The following NOL4L variants were observed in gnomAD, a reference collection of about 807,000 sequenced individuals.
NOL4L encodes the protein nucleolar protein 4 like.
NOL4L carries 7 observed loss-of-function variants against 64.5 expected under a neutral mutation model. The observed-to-expected ratio is 0.11, with a 90% CI of 0.06 to 0.20. NOL4L has a LOEUF of 0.20. Ranked by LOEUF, NOL4L falls within the 10% of genes least tolerant of loss-of-function variation. NOL4L has a pLI of 1.00. For synonymous variants in NOL4L, 413 were observed against 401.0 expected, an observed-to-expected ratio of 1.03 and a Z score of -0.36; for missense variants, 680 against 967.1, an observed-to-expected ratio of 0.70 and a Z score of 3.94.
At chr20:32,488,825 CTTTTTCTTTCTTTCTTTCTTTCTTTCTT>C (rs2016291552) in intron 4 of NOL4L, among the ~76,000 whole-genome samples, 7 of 37,866 alleles carry the variant, frequency 1.8e-4, no homozygotes, top group South Asian at 1.7e-3. Flanking sequence ...TTCTTTCTTT[CTTTTTCTTTCTTTCTTTCTTTCTTTCTT>C]TCTTTCTTTC....
At chr20:32,511,700 T>C (rs1006072182) in intron 3 of NOL4L, among the ~76,000 whole-genome samples, 4 of 152,098 alleles carry the variant, frequency 2.6e-5, no homozygotes, top group African/African-American at 4.8e-5. Flanking sequence ...TAAAAAACAA[T>C]GAGGCCGGGC....
intron 4 of NOL4L, among the ~76,000 whole-genome samples, chr20:32,488,763 C>T (rs2016219015): frequency 3.7e-5 from 2 of 53,870 alleles, no homozygotes; most frequent in South Asian, 5.6e-4. Context: ...TCCTTCCTTC[C>T]TTCCTTCCTT....
chr20:32,467,514 G>T (rs1366128150), intron 5 of NOL4L, among the ~76,000 whole-genome samples: 1 of 152,196 alleles, frequency 6.6e-6, no homozygotes, highest in African/African-American at 2.4e-5. Context: ...GAGGTAAGCT[G>T]CAGTCAGGGT....
At chr20:32,565,935 C>CCA (rs1476172717) in intron 1 of NOL4L, among the ~76,000 whole-genome samples, 3 of 152,022 alleles carry the variant, frequency 2.0e-5, no homozygotes, top group Non-Finnish European at 4.4e-5. Flanking sequence ...CCCTGTAGTG[C>CCA]CAGCCACTCG....
At chr20:32,520,776 C>T (rs1376848451) in intron 3 of NOL4L, 35 bp downstream of exon 3, 7 of 1,369,098 alleles carry the variant, frequency 5.1e-6, no homozygotes, top group East Asian at 2.5e-5. Flanking sequence ...TTAGATGGCC[C>T]CCGCCCTAGC....
intron 10 of NOL4L, among the ~76,000 whole-genome samples, chr20:32,449,395 A>G (rs1354112705): frequency 6.6e-6 from 1 of 152,260 alleles, no homozygotes; most frequent in East Asian, 1.9e-4. Context: ...GGAGGTATCC[A>G]GACTGGAAGT....
chr20:32,500,844 G>C (rs2145537089), intron 4 of NOL4L, among the ~76,000 whole-genome samples: 1 of 152,206 alleles, frequency 6.6e-6, no homozygotes, highest in Admixed American at 6.5e-5. Context: ...AGAACAATTT[G>C]TACAACAAAA....
chr20:32,563,532 G>A (rs1392168709), intron 1 of NOL4L, among the ~76,000 whole-genome samples: 1 of 151,956 alleles, frequency 6.6e-6, no homozygotes, highest in Non-Finnish European at 1.5e-5. Context: ...GTGACGTTCT[G>A]GGGTCCCCAA....
Position 32,489,864 on chromosome 20 carries a change from C to A in NOL4L, c.700-15122G>T, listed in dbSNP as rs111805494. Among the ~76,000 whole-genome samples the A allele has an allele frequency of 1.6e-3, 243 of 151,244 alleles. 2 individuals carry two copies. The highest frequency in any genetic ancestry group is 5.5e-3 in the African/African-American group (226 of 41,214). On this transcript the variant is annotated intron_variant, in intron 4 of 10. Coordinates refer to ENST00000621426, the MANE Select transcript of NOL4L (RefSeq NM_001256798.2). ...AGTTTTCTGGCCTGGCATGGTGACT[C>A]ACGCCTGTAATCCCAGCATTTTGCG...
In NOL4L at chr20:32,511,745, G is replaced by A. The variant is rs538858300; in HGVS notation, c.590-289C>T. On this transcript the variant is annotated intron_variant, in intron 3 of 10. Coordinates refer to ENST00000621426, the MANE Select transcript of NOL4L (RefSeq NM_001256798.2). Reference sequence around the variant, plus strand: ...CATGCCTGTAATTCCAGCACTTTGGGAGGCCAAGGCAGGAGGATCCCTTGA... The same window carrying A: ...CATGCCTGTAATTCCAGCACTTTGGAAGGCCAAGGCAGGAGGATCCCTTGA... Among the ~76,000 whole-genome samples, 30 of 152,330 alleles carry A rather than the reference G, an allele frequency of 2.0e-4. 1 individual carries two copies. The highest frequency in any genetic ancestry group is 7.0e-4 in the African/African-American group (29 of 41,570).
At chr20:32,538,780 G>A (rs891870084) in intron 1 of NOL4L, among the ~76,000 whole-genome samples, 48 of 152,296 alleles carry the variant, frequency 3.2e-4, no homozygotes, top group Admixed American at 2.5e-3. Context: ...GGCGGGTGCC[G>A]TCAGAGGCCA....
chr20:32,584,614 G>T lies in NOL4L; in HGVS notation c.277C>A (p.Pro93Thr), dbSNP rs1462617810. The change falls in exon 1 of 11, where the codon CCC (proline) becomes ACC (threonine). Residue 93 changes from proline to threonine, a missense_variant. Pro to Thr is a conservative substitution (Grantham distance 38, BLOSUM62 -1). This residue lies in a region of NOL4L where 181 missense variants were observed against 335.2 expected (regional missense o/e 0.54). Transcript: ENST00000621426. The part of the protein sequence containing the change: ...KGFRLGSGRE[P>T]KMGQVVYVPV... ...ACATACACCACTTGGCCCATCTTGG[G>T]TTCCCGGCCGCTGCCCAGGCGGAAG... 4.6e-6 allele frequency: 7 copies of T among 1,536,016 alleles called. No individual in the cohort carries two copies. Among genetic ancestry groups the T allele is most frequent in the Non-Finnish European group, 5.3e-6 (6 of 1,139,646 alleles).
intron 1 of NOL4L, among the ~76,000 whole-genome samples, chr20:32,581,474 C>G (rs953341493): frequency 2.6e-5 from 4 of 152,184 alleles, no homozygotes; most frequent in East Asian, 1.9e-4. Context: ...ACCACAGCAC[C>G]GCATATGGCT....
chr20:32,474,767 C>CATT (rs1568629256), intron 4 of NOL4L, 25 bp from the exon 5 acceptor site: 2 of 1,583,444 alleles, frequency 1.3e-6, no homozygotes, highest in Non-Finnish European at 1.7e-6. Flanking sequence ...AGAAGGTGGG[C>CATT]ATTCAGCAGG....
intron 1 of NOL4L, among the ~76,000 whole-genome samples, chr20:32,546,947 G>C (rs1453018320): frequency 2.0e-5 from 3 of 152,226 alleles, no homozygotes; most frequent in East Asian, 3.8e-4. Flanking sequence ...GAAAGAATAA[G>C]TGATGAATGA....
chr20:32,483,826 G>A (rs2015914131), intron 4 of NOL4L, among the ~76,000 whole-genome samples: 1 of 134,394 alleles, frequency 7.4e-6, no homozygotes, highest in African/African-American at 2.8e-5. Flanking sequence ...GGAGAGAGGC[G>A]CGGGGGGAGA....
At chr20:32,488,764 TTCCTTCCTTCCTTCCTTCCTTCCTTC>T (rs2016220526) in intron 4 of NOL4L, among the ~76,000 whole-genome samples, 1 of 54,742 alleles carries the variant, frequency 1.8e-5, no homozygotes, top group Non-Finnish European at 2.9e-5. Flanking sequence ...CCTTCCTTCC[TTCCTTCCTTCCTTCCTTCCTTCCTTC>T]CTTTCTTTCT....
chr20:32,521,570 A>T (rs1221994015), intron 2 of NOL4L, among the ~76,000 whole-genome samples: 3 of 152,192 alleles, frequency 2.0e-5, no homozygotes, highest in Admixed American at 6.5e-5. Flanking sequence ...TCCAGGTCAC[A>T]CCACTCCACA....
chr20:32,486,750 C>A, intron 4 of NOL4L: 1 of 471,268 alleles, frequency 2.1e-6, no homozygotes, highest in South Asian at 1.5e-5. Context: ...AATTCAGCAG[C>A]CTCCAAAGTG....
Sources: gnomAD v4.1 joint callset for allele counts (sites outside exome capture counted in the v4.1 genomes callset) on GRCh38, gnomAD v4.1.1 for gene constraint, gnomAD v4.1.1 regional missense constraint, MANE v1.5 for transcripts, NCBI Gene and HGNC (gene_info 2026-07-23, HGNC 2026-07-21) for gene names.